Variants in GYG1 observed in about 807,000 individuals in gnomAD.
GYG1 encodes glycogenin 1, also known as glycogenin-1.
In GYG1, 44 loss-of-function variants were observed where a neutral mutation model predicts 41.9. That is an observed-to-expected ratio of 1.05 (90% CI 0.83 to 1.35). The LOEUF (loss-of-function observed/expected upper bound fraction) is 1.35. GYG1 is among the 40% of genes most tolerant of loss of function. The pLI is 0.00. For missense variants in GYG1, 429 were observed against 418.9 expected, an observed-to-expected ratio of 1.02 and a Z score of -0.21; for synonymous variants, 141 against 158.1, an observed-to-expected ratio of 0.89 and a Z score of 0.81.
chr3:149,008,680 T>C (rs964887557), intron 4 of GYG1, among the ~76,000 whole-genome samples: 5 of 152,248 alleles, frequency 3.3e-5, no homozygotes, highest in Non-Finnish European at 5.9e-5. Context: ...CTGCTGTTGG[T>C]GTCTCCCACC....
intron 4 of GYG1, chr3:149,008,120 T>C (rs1713508208): frequency 1.3e-5 from 2 of 152,082 alleles, no homozygotes; most frequent in African/African-American, 4.8e-5. Context: ...GGTGGGAGAG[T>C]GCACCATAGG....
intron 5 of GYG1, among the ~76,000 whole-genome samples, chr3:149,022,738 C>T (rs953323108): frequency 2.0e-5 from 3 of 151,914 alleles, no homozygotes; most frequent in Non-Finnish European, 4.4e-5. Context: ...TCGTGATTTG[C>T]CTGCCTCAGC....
In GYG1 at chr3:149,016,707, C is replaced by G. The variant is rs1036504260; in HGVS notation, c.608+7305C>G. Among the ~76,000 whole-genome samples the G allele has an allele frequency of 2.0e-5, 3 of 152,278 alleles. No individual in the cohort carries two copies. In the East Asian group the frequency reaches 5.8e-4, roughly 29 times the overall value. On this transcript the variant is annotated intron_variant, in intron 5 of 7. Transcript: ENST00000345003. ...ATATGCACCCTTTGTGTTCCTCAGG[C>G]CCCACCTCAGCAAGTCCATTCCTCC... is the stretch of plus-strand genomic sequence containing the variant.
intron 6 of GYG1, among the ~76,000 whole-genome samples, chr3:149,025,953 C>T (rs561722601): frequency 6.6e-6 from 1 of 152,298 alleles, no homozygotes; most frequent in South Asian, 2.1e-4. Flanking sequence ...GGAAATGCCT[C>T]TGTATCATTA....
chr3:149,015,645 C>T (rs971529289), intron 5 of GYG1, among the ~76,000 whole-genome samples: 6 of 152,036 alleles, frequency 3.9e-5, no homozygotes, highest in African/African-American at 7.2e-5. Flanking sequence ...GGCAAGAGGA[C>T]GTCTGGTGGA....
chr3:149,019,088 G>T (rs972364750), intron 5 of GYG1, among the ~76,000 whole-genome samples: 12 of 135,128 alleles, frequency 8.9e-5, no homozygotes, highest in Admixed American at 1.5e-4. Flanking sequence ...AAAAAAAAAA[G>T]AGAAAGTAAT....
chr3:148,996,355 G>T lies in GYG1; in HGVS notation c.197G>T (p.Ser66Ile). Reference protein sequence around the residue: ...DEVIMVDVLDSGDSAHLTLMK... With the variant: ...DEVIMVDVLDIGDSAHLTLMK... ...GTCATCATGGTAGATGTCTTGGACAGTGGCGATTCTGCTCATCTAACCTTA... is the reference window on the plus strand; with the variant it reads ...GTCATCATGGTAGATGTCTTGGACATTGGCGATTCTGCTCATCTAACCTTA... The change falls in exon 3 of 8, where the codon AGT becomes ATT. Residue 66 changes from serine (S) to isoleucine (I), a missense_variant. Transcript: ENST00000345003. 6.2e-7 allele frequency: 1 copy of T among 1,612,058 alleles called. No homozygotes were observed. Among genetic ancestry groups the T allele is most frequent in the Non-Finnish European group, 8.5e-7 (1 of 1,179,364 alleles).
intron 6 of GYG1, among the ~76,000 whole-genome samples, chr3:149,025,831 C>T (rs1277503749): frequency 6.6e-6 from 1 of 152,084 alleles, no homozygotes; most frequent in African/African-American, 2.4e-5. Context: ...GAGAGTTACA[C>T]TTTAAATGCT....
chr3:148,996,407 G>A lies in GYG1; in HGVS notation c.249G>A (p.Thr83=), dbSNP rs772195768. Residue 83 remains threonine (T), a synonymous_variant, in exon 3 of 8, where the codon ACG becomes ACA. Transcript: ENST00000345003. ...TGAAGAGGCCAGAGTTGGGTGTCAC[G>A]CTGACAAAGCTCCACTGCTGGTCGC... The part of the protein sequence containing the change: ...TLMKRPELGV[T]LTKLHCWSLT... 1.5e-5 allele frequency: 25 copies of A among 1,613,514 alleles called. No homozygotes were observed. The highest frequency in any genetic ancestry group is 3.4e-4 in the Middle Eastern group (2 of 5,874).
At chr3:149,013,633 G>T (rs1277186909) in intron 5 of GYG1, among the ~76,000 whole-genome samples, 2 of 152,100 alleles carry the variant, frequency 1.3e-5, no homozygotes, top group Admixed American at 6.6e-5. Flanking sequence ...CAGTTCTGAG[G>T]ATATTAATAT....
intron 5 of GYG1, among the ~76,000 whole-genome samples, chr3:149,013,268 GGTTTT>G (rs142800474): frequency 0.026 from 3,982 of 152,178 alleles, 192 homozygotes; most frequent in African/African-American, 0.092. Context: ...TCTAACTGAA[GGTTTT>G]GTTTCATCCA....
At chr3:149,016,118 G>T (rs1219213377) in intron 5 of GYG1, among the ~76,000 whole-genome samples, 4 of 151,932 alleles carry the variant, frequency 2.6e-5, no homozygotes, top group African/African-American at 7.3e-5. Context: ...AAAATTAGCT[G>T]GGTGTGGTGG....
At chr3:149,004,202 G>A (rs1014835982) in intron 4 of GYG1, among the ~76,000 whole-genome samples, 1 of 152,170 alleles carries the variant, frequency 6.6e-6, no homozygotes, top group Non-Finnish European at 1.5e-5. Context: ...CTGGTGTACC[G>A]GATCACAGCT....
intron 1 of GYG1, 107 bp downstream of exon 1, chr3:148,991,754 G>A (rs1269031974): frequency 2.2e-6 from 2 of 928,650 alleles, no homozygotes; most frequent in African/African-American, 1.7e-5. Flanking sequence ...CCGGCAGGAC[G>A]AAACCGCCGC....
intron 4 of GYG1, among the ~76,000 whole-genome samples, chr3:149,006,763 G>A (rs1479380747): frequency 1.3e-5 from 2 of 152,280 alleles, no homozygotes; most frequent in South Asian, 2.1e-4. Flanking sequence ...ATGTGTAAAA[G>A]GAAATTAGTT....
intron 5 of GYG1, among the ~76,000 whole-genome samples, chr3:149,018,550 C>G (rs543855620): frequency 1.3e-4 from 20 of 152,252 alleles, no homozygotes; most frequent in African/African-American, 4.1e-4. Flanking sequence ...CTCTCACCCT[C>G]CTATCCAAGC....
intron 5 of GYG1, among the ~76,000 whole-genome samples, chr3:149,021,666 A>G (rs1424367684): frequency 6.6e-6 from 1 of 152,172 alleles, no homozygotes. Context: ...AGTAAAATTT[A>G]CCTTGTAGAA....
At chr3:149,010,634 C>T (rs1050141606) in intron 5 of GYG1, among the ~76,000 whole-genome samples, 3 of 152,144 alleles carry the variant, frequency 2.0e-5, no homozygotes, top group African/African-American at 7.2e-5. Flanking sequence ...GCCCCTGGTG[C>T]AGTTCTGATA....
intron 2 of GYG1, among the ~76,000 whole-genome samples, 191 bp from the exon 3 acceptor site, chr3:148,996,111 A>T (rs139876156): frequency 1.2e-4 from 18 of 152,372 alleles, no homozygotes; most frequent in Non-Finnish European, 4.4e-5. Flanking sequence ...TAGTGACGTT[A>T]ACTGGACATG....
Sources: allele counts gnomAD v4.1 joint callset (sites outside exome capture counted in the v4.1 genomes callset), GRCh38; gene constraint gnomAD v4.1.1; transcripts MANE v1.5; gene names NCBI Gene and HGNC (gene_info 2026-07-23, HGNC 2026-07-21).